The following OR9I1 variants were observed in gnomAD, a reference collection of about 807,000 sequenced individuals.
OR9I1 encodes olfactory receptor family 9 subfamily I member 1, also known as olfactory receptor 9I1.
In OR9I1, 7 loss-of-function variants were observed where a neutral mutation model predicts 11.2. That is an observed-to-expected ratio of 0.62 (90% CI 0.36 to 1.17). OR9I1 has a LOEUF of 1.17. Ranked by LOEUF, OR9I1 falls within the 50% of genes most tolerant of loss-of-function variation. The pLI is 0.02. For missense variants in OR9I1, 428 were observed against 377.2 expected (o/e 1.13, Z -1.12); for synonymous variants, 165 against 153.4 (o/e 1.08, Z -0.56).
intron 2 of OR9I1, among the ~76,000 whole-genome samples, chr11:58,122,902 T>C (rs1854049032): frequency 6.6e-6 from 1 of 152,088 alleles, no homozygotes; most frequent in African/African-American, 2.4e-5. Context: ...GTGACATAAA[T>C]CTCATTTTTT....
Position 58,124,421 on chromosome 11 carries a change from C to G in OR9I1, c.-23+17G>C, listed in dbSNP as rs1445965548. 6.6e-6 allele frequency: 1 copy of G among 152,158 alleles called. No homozygotes were observed. The highest frequency in any genetic ancestry group is 2.4e-5 in the African/African-American group (1 of 41,434). 9.4% of individuals were successfully genotyped at this position (152,158 alleles called of 1,614,324 possible). On this transcript the variant is annotated intron_variant, in intron 2 of 2. Coordinates refer to ENST00000641439, the MANE Select transcript of OR9I1 (RefSeq NM_001005211.2). Reference sequence around the variant, plus strand: ...GAACCCTTTACAGAAGAGATGGTCCCTAACACTTGTACTTACTTTAACTTG... The same window carrying G: ...GAACCCTTTACAGAAGAGATGGTCCGTAACACTTGTACTTACTTTAACTTG...
chr11:58,118,670 A>G lies in OR9I1; in HGVS notation c.775T>C (p.Tyr259His). 1.2e-6 allele frequency: 2 copies of G among 1,614,062 alleles called. No homozygotes were observed. The highest frequency in any genetic ancestry group is 1.7e-4 in the Middle Eastern group (1 of 6,054). The change falls in exon 3 of 3, where the codon TAT becomes CAT. Residue 259 changes from tyrosine (Y) to histidine (H), a missense_variant. Physicochemically the swap from Tyr to His is moderately conservative, Grantham distance 83. Transcript: ENST00000641439. ...ALFFGALIFM[Y>H]LQSGSGKSLE... ...GATTTGCCTGAGCCACTTTGCAGAT[A>G]CATGAAGATAAGGGCTCCAAAGAAA... is the stretch of plus-strand genomic sequence containing the variant.
In OR9I1 at chr11:58,118,786, A is replaced by G. The variant is rs1248319237; in HGVS notation, c.659T>C (p.Leu220Pro). The change falls in exon 3 of 3, where the codon CTC (leucine) becomes CCC (proline). Residue 220 changes from leucine to proline, a missense_variant. Transcript: ENST00000641439. ...NASVILISYL[L>P]IIKTILKVKS... is the part of the protein sequence containing the mutation. ...CACTTTCAAAATGGTCTTGATGATG[A>G]GCAGATAGGAAATCAGGATGACGGA... 6.2e-7 allele frequency: 1 copy of G among 1,614,098 alleles called. No individual in the cohort carries two copies. Among genetic ancestry groups the G allele is most frequent in the Non-Finnish European group, 8.5e-7 (1 of 1,180,004 alleles).
Position 58,117,068 on chromosome 11 carries a change from A to C in OR9I1, c.*1432T>G, listed in dbSNP as rs1032526451. 2.6e-5 allele frequency: 4 copies of C among 152,094 alleles called. No homozygotes were observed. Among genetic ancestry groups the C allele is most frequent in the African/African-American group, 9.7e-5 (4 of 41,410 alleles). 9.4% of individuals were successfully genotyped at this position (152,094 alleles called of 1,614,324 possible). A position where few individuals can be genotyped will look rare whatever the true frequency, so the allele number is the denominator to read the frequency against. The stretch of plus-strand genomic sequence containing the variant: ...TTTTATCATCATTGGTTGGTGATCT[A>C]TTTTGCTTTTGTCAGTGGCCATTAA... On this transcript the variant is annotated 3_prime_UTR_variant, in exon 3 of 3. Coordinates refer to ENST00000641439, the MANE Select transcript of OR9I1 (RefSeq NM_001005211.2).
At chr11:58,120,252 G>A (rs1425690152) in intron 2 of OR9I1, among the ~76,000 whole-genome samples, 1 of 152,190 alleles carries the variant, frequency 6.6e-6, no homozygotes. Context: ...CCTTGGGTAA[G>A]TTAACTAACC....
chr11:58,119,522 C>T (rs746823821), intron 2 of OR9I1, 56 bp from the exon 3 acceptor site: 16 of 995,268 alleles, frequency 1.6e-5, no homozygotes, highest in Non-Finnish European at 2.2e-5. Context: ...GAATCTTTCC[C>T]TCTATGGTGG....
intron 2 of OR9I1, among the ~76,000 whole-genome samples, chr11:58,122,384 G>T (rs1854042466): frequency 6.6e-6 from 1 of 152,150 alleles, no homozygotes; most frequent in African/African-American, 2.4e-5. Context: ...TCTATGACAG[G>T]CACTCACTAG....
intron 2 of OR9I1, among the ~76,000 whole-genome samples, chr11:58,122,687 A>G (rs572128030): frequency 6.6e-5 from 10 of 152,240 alleles, no homozygotes; most frequent in Non-Finnish European, 1.2e-4. Flanking sequence ...GGTCAGGGCA[A>G]GGCTCTTCTT....
intron 2 of OR9I1, among the ~76,000 whole-genome samples, chr11:58,122,338 C>A (rs1210512391): frequency 6.6e-6 from 1 of 152,186 alleles, no homozygotes; most frequent in East Asian, 1.9e-4. Context: ...CTTTGGAAGG[C>A]CTTCATGGTA....
chr11:58,121,604 C>T (rs1022853020), intron 2 of OR9I1, among the ~76,000 whole-genome samples: 3 of 152,176 alleles, frequency 2.0e-5, no homozygotes, highest in Non-Finnish European at 4.4e-5. Context: ...TTTGCCTGGC[C>T]TCCTTAATCT....
chr11:58,120,731 T>C (rs1854021380), intron 2 of OR9I1, among the ~76,000 whole-genome samples: 1 of 150,754 alleles, frequency 6.6e-6, no homozygotes, highest in Admixed American at 6.6e-5. Context: ...TGAAACATAA[T>C]CCATTTAACC....
chr11:58,122,083 GA>G (rs1854039201), intron 2 of OR9I1, among the ~76,000 whole-genome samples: 1 of 152,120 alleles, frequency 6.6e-6, no homozygotes, highest in Admixed American at 6.5e-5. Context: ...AAGAGGTTTT[GA>G]ACTTGTGATG....
At position 58,118,405 on chromosome 11, in the gene OR9I1, T is replaced by G; in HGVS notation, c.*95A>C. 1 of 781,494 alleles carries G rather than the reference T, an allele frequency of 1.3e-6. No homozygotes were observed. Among genetic ancestry groups the G allele is most frequent in the Non-Finnish European group, 2.1e-6 (1 of 485,078 alleles). 48.4% of individuals were successfully genotyped at this position (781,494 alleles called of 1,614,324 possible). A position where few individuals can be genotyped will look rare whatever the true frequency, so the allele number is the denominator to read the frequency against. ...TGGTACCTATCTTCTGTCTTCTCTGTTTGTGGGTATAGGTTGCATATAGTA... is the reference window on the plus strand; with the variant it reads ...TGGTACCTATCTTCTGTCTTCTCTGGTTGTGGGTATAGGTTGCATATAGTA... On this transcript the variant is annotated 3_prime_UTR_variant, in exon 3 of 3. Coordinates refer to ENST00000641439, the MANE Select transcript of OR9I1 (RefSeq NM_001005211.2).
rs551679835 is a variant in OR9I1, at chr11:58,122,350, G to A, written c.-23+2088C>T. ...CTTCTTTGGAAGGCCTTCATGGTAT[G>A]GTTCAAGCTCTGTGGTTGTCACCTC... is the stretch of plus-strand genomic sequence containing the variant. On this transcript the variant is annotated intron_variant, in intron 2 of 2. Transcript: ENST00000641439. Among the ~76,000 whole-genome samples the A allele has an allele frequency of 6.6e-5, 10 of 152,310 alleles. No individual in the cohort carries two copies. The East Asian group carries it at 1.9e-3, about 29-fold the overall frequency.
In OR9I1 at chr11:58,118,636, TC is replaced by T. The variant is rs751897474; in HGVS notation, c.808del (p.Glu270LysfsTer16). On this transcript the variant is annotated frameshift_variant, in exon 3 of 3. Transcript: ENST00000641439. LOFTEE classifies it high-confidence loss of function. ...ATAGAAGACAGACACGACTTTGTCT[TC>T]CTCCAGAGATTTGCCTGAGCCACTT... ...LQSGSGKSLE[E>X]DKVVSVFYTV... The T allele has an allele frequency of 5.0e-6, 8 of 1,613,850 alleles. No individual in the cohort carries two copies. In the African/African-American group the frequency reaches 1.1e-4, roughly 22 times the overall value.
At position 58,118,460 on chromosome 11, in the gene OR9I1, G is replaced by A. The variant is rs537303598; in HGVS notation, c.*40C>T. 64 of 1,333,568 alleles carry A rather than the reference G, an allele frequency of 4.8e-5. No individual in the cohort carries two copies. Among genetic ancestry groups the A allele is most frequent in the South Asian group, 3.7e-4 (27 of 73,386 alleles). 82.6% of individuals were successfully genotyped at this position (1,333,568 alleles called of 1,614,324 possible). On this transcript the variant is annotated 3_prime_UTR_variant, in exon 3 of 3. Coordinates refer to ENST00000641439, the MANE Select transcript of OR9I1 (RefSeq NM_001005211.2). ...TGCCTATTAGGATATATTCATATGGGAAGAAAGTGGACTAAAACAAGAATT... is the reference window on the plus strand; with the variant it reads ...TGCCTATTAGGATATATTCATATGGAAAGAAAGTGGACTAAAACAAGAATT...
At position 58,124,494 on chromosome 11, in the gene OR9I1, T is replaced by C. The variant is rs962160479; in HGVS notation, c.-79A>G. ...CATTTTCCTCCAAAGATTGAGTCCCTTGGGGAGGGTGAAGGAGCTCAACAA... is the reference window on the plus strand; with the variant it reads ...CATTTTCCTCCAAAGATTGAGTCCCCTGGGGAGGGTGAAGGAGCTCAACAA... On this transcript the variant is annotated 5_prime_UTR_variant, in exon 2 of 3. Coordinates refer to ENST00000641439, the MANE Select transcript of OR9I1 (RefSeq NM_001005211.2). 1 of 152,162 alleles carries C rather than the reference T, an allele frequency of 6.6e-6. No individual in the cohort carries two copies. The highest frequency in any genetic ancestry group is 6.5e-5 in the Admixed American group (1 of 15,268). 9.4% of individuals were successfully genotyped at this position (152,162 alleles called of 1,614,324 possible).
intron 2 of OR9I1, 60 bp from the exon 3 acceptor site, chr11:58,119,526 A>G (rs1854004310): frequency 2.1e-6 from 2 of 965,770 alleles, no homozygotes; most frequent in South Asian, 1.8e-5. Context: ...CTTTCCCTCT[A>G]TGGTGGAAGT....
In OR9I1 at chr11:58,118,515, C is replaced by T; in HGVS notation, c.930G>A (p.Val310=). 6.2e-7 allele frequency: 1 copy of T among 1,601,912 alleles called. No homozygotes were observed. Among genetic ancestry groups the T allele is most frequent in the Non-Finnish European group, 8.5e-7 (1 of 1,174,626 alleles). Residue 310 remains valine (V), a synonymous_variant, in exon 3 of 3, where the codon GTG becomes GTA. Coordinates refer to ENST00000641439, the MANE Select transcript of OR9I1 (RefSeq NM_001005211.2). ...AFRKVARRLQ[V]SLSM ...TTACTTAGATCTACATGCTCAGGGA[C>T]ACCTGGAGTCTCCTAGCGACCTTTC...
Sources: gnomAD v4.1 joint callset for allele counts (sites outside exome capture counted in the v4.1 genomes callset) on GRCh38, gnomAD v4.1.1 for gene constraint, MANE v1.5 for transcripts, NCBI Gene and HGNC (gene_info 2026-07-23, HGNC 2026-07-21) for gene names.